HIBCH: variants seen among roughly 807,000 people sequenced by gnomAD.
HIBCH encodes the protein 3-hydroxyisobutyryl-CoA hydrolase, mitochondrial.
A neutral mutation model predicts 58.2 loss-of-function variants in HIBCH; 50 were observed. That is an observed-to-expected ratio of 0.86 (90% CI 0.68 to 1.09). The LOEUF is 1.09. Ranked by LOEUF, HIBCH falls within the 50% of genes least tolerant of loss-of-function variation. The probability of loss-of-function intolerance (pLI) is 0.00; values close to 1 mark genes in which losing one functional copy is unlikely to be tolerated. For missense variants in HIBCH, 450 were observed against 449.7 expected, an observed-to-expected ratio of 1.00 and a Z score of -0.01; for synonymous variants, 151 against 146.9, an observed-to-expected ratio of 1.03 and a Z score of -0.20.
At chr2:190,284,206 C>A (rs1687776256) in intron 6 of HIBCH, among the ~76,000 whole-genome samples, 1 of 152,192 alleles carries the variant, frequency 6.6e-6, no homozygotes, top group African/African-American at 2.4e-5. Flanking sequence ...TTCAAGACAA[C>A]ATTATCTTGA....
chr2:190,213,070 A>G lies in HIBCH; in HGVS notation c.897T>C (p.Ile299=), dbSNP rs763947247. 5 of 1,606,736 alleles carry G rather than the reference A, an allele frequency of 3.1e-6. No homozygotes were observed. The highest frequency in any genetic ancestry group is 4.3e-6 in the Non-Finnish European group (5 of 1,173,642). The change falls in exon 12 of 14, where the codon ATT becomes ATC. Residue 299 remains isoleucine, a synonymous_variant. Transcript: ENST00000359678. ...TTAGAGATGTTGGAGACATTTTATT[A>G]ATTACCTTTTGGAGGAAAAAATTTA... ...SSFALEQLKV[I]NKMSPTSLKI...
At position 190,254,223 on chromosome 2, in the gene HIBCH, T is replaced by C. The variant is rs58294205; in HGVS notation, c.518-1916A>G. On this transcript the variant is annotated intron_variant, in intron 7 of 13. Transcript: ENST00000359678. This position sits in a 1 kb window ranked among gnomAD's most constrained non-coding sequence, Gnocchi z 5.0. ...CAGGGCCTTTGAAGAGGTAATTAAGTTTAAGTGAGGTCATAAGGGTGGGGT... is the reference window on the plus strand; with the variant it reads ...CAGGGCCTTTGAAGAGGTAATTAAGCTTAAGTGAGGTCATAAGGGTGGGGT... Among the ~76,000 whole-genome samples, 1,890 of 152,050 alleles carry C rather than the reference T, an allele frequency of 0.012. 48 individuals are homozygous for C. The highest frequency in any genetic ancestry group is 0.042 in the African/African-American group (1,737 of 41,446).
At chr2:190,232,234 C>CA (rs1686122374) in intron 11 of HIBCH, among the ~76,000 whole-genome samples, 3 of 151,988 alleles carry the variant, frequency 2.0e-5, no homozygotes, top group Non-Finnish European at 2.9e-5. Flanking sequence ...TTCTATATAT[C>CA]AAAAAATAGA....
intron 4 of HIBCH, among the ~76,000 whole-genome samples, chr2:190,293,836 TAATA>T (rs149199374): frequency 0.014 from 2,176 of 151,946 alleles, 60 homozygotes; most frequent in African/African-American, 0.05. Context: ...ATAGTGATTA[TAATA>T]AATACATGAC....
At chr2:190,296,489 C>T (rs908919704) in intron 3 of HIBCH, among the ~76,000 whole-genome samples, 14 of 150,382 alleles carry the variant, frequency 9.3e-5, no homozygotes, top group Non-Finnish European at 1.9e-4. Context: ...TCGATTTGTA[C>T]ACTCATCCTC....
intron 6 of HIBCH, among the ~76,000 whole-genome samples, chr2:190,264,700 G>C (rs780657810): frequency 1.3e-5 from 2 of 152,106 alleles, no homozygotes; most frequent in Non-Finnish European, 2.9e-5. Flanking sequence ...TGGCTATTTG[G>C]ATTGTCTCCA....
intron 6 of HIBCH, among the ~76,000 whole-genome samples, chr2:190,273,999 G>A (rs1275639765): frequency 2.0e-5 from 3 of 151,994 alleles, no homozygotes; most frequent in East Asian, 1.9e-4. Flanking sequence ...ACAGAGTCTC[G>A]CTATATTGCC....
intron 6 of HIBCH, among the ~76,000 whole-genome samples, chr2:190,262,440 T>C (rs1049923786): frequency 6.6e-6 from 1 of 152,328 alleles, no homozygotes; most frequent in East Asian, 1.9e-4. Context: ...CTTCACCACA[T>C]TTTCAGTTAG....
intron 11 of HIBCH, among the ~76,000 whole-genome samples, chr2:190,242,305 TAGTTAGC>T (rs896979895): frequency 5.3e-5 from 8 of 152,144 alleles, no homozygotes; most frequent in African/African-American, 1.9e-4. Flanking sequence ...CTGGTTATTC[TAGTTAGC>T]AGTTCCTGTA....
chr2:190,192,326 A>G (rs945807495), intron 1 of HIBCH, among the ~76,000 whole-genome samples: 1 of 152,056 alleles, frequency 6.6e-6, no homozygotes, highest in Admixed American at 6.6e-5. Context: ...TTTTGTCAAT[A>G]TAGCACTAAT....
In HIBCH at chr2:190,257,920, C is replaced by A. The variant is rs189145009; in HGVS notation, c.517+3236G>T. 6.5e-3 allele frequency among the ~76,000 whole-genome samples: 990 copies of A among 152,272 alleles called. 9 individuals carry two copies. The highest frequency in any genetic ancestry group is 0.023 in the African/African-American group (941 of 41,544). On this transcript the variant is annotated intron_variant, in intron 7 of 13. Transcript: ENST00000359678. ...TGAGTTGGGAATTAAGTTTCCAACA[C>A]GTGAACTTCAGGCGACACATACAAA...
intron 7 of HIBCH, among the ~76,000 whole-genome samples, chr2:190,255,550 G>C (rs1686895092): frequency 6.6e-6 from 1 of 152,136 alleles, no homozygotes; most frequent in East Asian, 1.9e-4. Context: ...ACAATATATG[G>C]ATCAATAGTG....
At chr2:190,222,053 C>T (rs893716386) in intron 11 of HIBCH, among the ~76,000 whole-genome samples, 17 of 152,216 alleles carry the variant, frequency 1.1e-4, no homozygotes, top group African/African-American at 3.9e-4. Context: ...GCTGCTAACA[C>T]GTAAGCCATC....
chr2:190,202,695 T>A (rs1690284327), downstream of HIBCH: 1 of 167,028 alleles, frequency 6.0e-6, no homozygotes, highest in Non-Finnish European at 1.5e-5. Flanking sequence ...GACTAGCTCC[T>A]GGAAAGGGAA....
chr2:190,224,118 G>C (rs928937612), intron 11 of HIBCH, among the ~76,000 whole-genome samples: 10 of 152,196 alleles, frequency 6.6e-5, no homozygotes, highest in African/African-American at 2.2e-4. Context: ...TCCTGCACCT[G>C]GCTCAGAGGG....
rs555217871 is a variant in HIBCH at position 190,253,470 on chromosome 2, A to C, written c.518-1163T>G. On this transcript the variant is annotated intron_variant, in intron 7 of 13. Coordinates refer to ENST00000359678, the MANE Select transcript of HIBCH (RefSeq NM_014362.4). ...CTCAAACTAGCTAGGTCTCAAGTTA[A>C]ACTCATAACCTCCCCGCGCCAGTCC... 3.3e-5 allele frequency among the ~76,000 whole-genome samples: 5 copies of C among 152,106 alleles called. No individual in the cohort carries two copies. In the South Asian group the frequency reaches 1.0e-3, roughly 32 times the overall value.
rs973730915 is a variant in HIBCH, at chr2:190,315,378, C to A, written c.35+4338G>T. 6.6e-6 allele frequency among the ~76,000 whole-genome samples: 1 copy of A among 152,180 alleles called. No individual in the cohort carries two copies. The highest frequency in any genetic ancestry group is 2.4e-5 in the African/African-American group (1 of 41,436). On this transcript the variant is annotated intron_variant, in intron 1 of 13. Coordinates refer to ENST00000359678, the MANE Select transcript of HIBCH (RefSeq NM_014362.4). The surrounding 1 kb of genome is among the most constrained non-coding windows in gnomAD (Gnocchi z 5.4). ...AAGTACCATCAACATCCCCTGGAAACTGACTAGAAACTGAAATTCTCTGCC... is the reference window on the plus strand; with the variant it reads ...AAGTACCATCAACATCCCCTGGAAAATGACTAGAAACTGAAATTCTCTGCC...
chr2:190,293,695 C>T (rs1036364112), intron 4 of HIBCH, among the ~76,000 whole-genome samples: 4 of 151,614 alleles, frequency 2.6e-5, no homozygotes, highest in African/African-American at 4.8e-5. Context: ...TGTCTTAATA[C>T]AACAAACAAA....
At chr2:190,203,225 A>G (rs1444506094), downstream of HIBCH, 1 of 167,088 alleles carries the variant, frequency 6.0e-6, no homozygotes, top group Non-Finnish European at 1.5e-5. Context: ...TAATTTAAAA[A>G]CAAAGTTCTA....
Sources: gnomAD v4.1 joint callset for allele counts (sites outside exome capture counted in the v4.1 genomes callset) on GRCh38, gnomAD v4.1.1 for gene constraint, Gnocchi (gnomAD v3.1) non-coding constraint, MANE v1.5 for transcripts, NCBI Gene and HGNC (gene_info 2026-07-23, HGNC 2026-07-21) for gene names.